Variants in KCNU1 observed in about 807,000 individuals in gnomAD.
The protein encoded by KCNU1 is potassium channel subfamily U member 1.
A neutral mutation model predicts 126.8 loss-of-function variants in KCNU1; 93 were observed. That is an observed-to-expected ratio of 0.73 (90% CI 0.62 to 0.87). KCNU1 has a LOEUF of 0.87. KCNU1 is among the 40% of genes least tolerant of loss of function. The pLI is 0.00. For missense variants in KCNU1, 1,330 were observed against 1,367.1 expected (o/e 0.97, Z 0.43); for synonymous variants, 523 against 494.2 (o/e 1.06, Z -0.77).
chr8:36,831,350 G>C (rs571469180), intron 10 of KCNU1, among the ~76,000 whole-genome samples: 2 of 151,978 alleles, frequency 1.3e-5, no homozygotes, highest in East Asian at 1.9e-4. Context: ...TTCCACAATG[G>C]TTGAACTAGT....
intron 10 of KCNU1, among the ~76,000 whole-genome samples, chr8:36,824,148 CT>C (rs1338470875): frequency 6.6e-6 from 1 of 152,032 alleles, no homozygotes; most frequent in Non-Finnish European, 1.5e-5. Flanking sequence ...CTGTTTAAGC[CT>C]TTTTTATTCC....
At chr8:36,867,392 A>C (rs997631082) in intron 19 of KCNU1, among the ~76,000 whole-genome samples, 2 of 152,216 alleles carry the variant, frequency 1.3e-5, no homozygotes, top group South Asian at 4.1e-4. Context: ...GAGAGAATGC[A>C]CAGTAGAGTG....
rs912438794 is a variant in KCNU1, at chr8:36,805,337, A to C, written c.468+52A>C. On this transcript the variant is annotated intron_variant, in intron 4 of 26. Coordinates refer to ENST00000399881, the MANE Select transcript of KCNU1 (RefSeq NM_001031836.3). Reference sequence around the variant, plus strand: ...AATATCCAAACACCACAGGCACAACATACAGAGAACTAACTGTGTCTCAGT... The same window carrying C: ...AATATCCAAACACCACAGGCACAACCTACAGAGAACTAACTGTGTCTCAGT... 5 of 1,081,574 alleles carry C rather than the reference A, an allele frequency of 4.6e-6. No homozygotes were observed. In the African/African-American group the frequency reaches 6.2e-5, roughly 13 times the overall value. 67.0% of individuals were successfully genotyped at this position (1,081,574 alleles called of 1,614,324 possible). A position where few individuals can be genotyped will look rare whatever the true frequency, so the allele number is the denominator to read the frequency against.
At chr8:36,832,401 C>T (rs1682168653) in intron 10 of KCNU1, among the ~76,000 whole-genome samples, 1 of 152,018 alleles carries the variant, frequency 6.6e-6, no homozygotes, top group African/African-American at 2.4e-5. Context: ...AGCATGAAAC[C>T]ACAGCTTCAA....
intron 10 of KCNU1, among the ~76,000 whole-genome samples, chr8:36,833,342 C>A (rs1281011691): frequency 1.3e-5 from 2 of 152,008 alleles, no homozygotes; most frequent in Non-Finnish European, 2.9e-5. Flanking sequence ...AAATGTTATG[C>A]CTGTTTCAGT....
At chr8:36,929,526 CTG>C (rs1362301265) in intron 24 of KCNU1, among the ~76,000 whole-genome samples, 2 of 151,404 alleles carry the variant, frequency 1.3e-5, no homozygotes, top group African/African-American at 4.8e-5. Context: ...CTGTAAAAAA[CTG>C]TAAAATATAG....
chr8:36,810,265 G>GTAGCTTCTCCCTA (rs1193193752), intron 7 of KCNU1, among the ~76,000 whole-genome samples: 5 of 144,342 alleles, frequency 3.5e-5, no homozygotes, highest in Non-Finnish European at 7.5e-5. Context: ...AAAAAAAAAA[G>GTAGCTTCTCCCTA]TAGCTTCTCC....
rs756465712 is a variant in KCNU1, at chr8:36,864,554, GT to G, written c.2009+40del. On this transcript the variant is annotated intron_variant, in intron 19 of 26. Transcript: ENST00000399881. ...CTGCAGAGAACCCTGGTCTCCTATA[GT>G]TTTTTTGAGAATCAGTGGGCCATAT... 6.3e-6 allele frequency: 8 copies of G among 1,260,532 alleles called. No homozygotes were observed. The Admixed American group carries it at 6.7e-5, about 11-fold the overall frequency. 78.1% of individuals were successfully genotyped at this position (1,260,532 alleles called of 1,614,324 possible). A position where few individuals can be genotyped will look rare whatever the true frequency, so the allele number is the denominator to read the frequency against.
intron 24 of KCNU1, 83 bp downstream of exon 24, chr8:36,922,712 TA>T: frequency 7.4e-7 from 1 of 1,355,112 alleles, no homozygotes. Flanking sequence ...GAGTAGATGA[TA>T]ACACCTCACA....
chr8:36,910,399 A>G (rs1807820513), intron 21 of KCNU1, among the ~76,000 whole-genome samples: 1 of 151,284 alleles, frequency 6.6e-6, no homozygotes, highest in Admixed American at 6.6e-5. Flanking sequence ...TGATCCAGCT[A>G]GTGTTAGGAA....
At chr8:36,832,639 A>G (rs1415599814) in intron 10 of KCNU1, among the ~76,000 whole-genome samples, 1 of 151,900 alleles carries the variant, frequency 6.6e-6, no homozygotes, top group African/African-American at 2.4e-5. Flanking sequence ...AACTTTACAA[A>G]ACTTTTGCCT....
chr8:36,889,157 G>A (rs771619868), intron 19 of KCNU1: 3 of 534,368 alleles, frequency 5.6e-6, no homozygotes, highest in South Asian at 4.2e-5. Context: ...TGGATTACAG[G>A]TATGAGCCAT....
chr8:36,917,548 G>A (rs925396595), intron 22 of KCNU1, among the ~76,000 whole-genome samples: 1 of 151,220 alleles, frequency 6.6e-6, no homozygotes, highest in African/African-American at 2.4e-5. Context: ...TAGAGAACAG[G>A]TCTCTCTATG....
At chr8:36,839,785 G>A (rs1362876539) in intron 14 of KCNU1, among the ~76,000 whole-genome samples, 1 of 152,140 alleles carries the variant, frequency 6.6e-6, no homozygotes, top group African/African-American at 2.4e-5. Flanking sequence ...TGATTCTCAT[G>A]GCAGTAGGTG....
intron 10 of KCNU1, among the ~76,000 whole-genome samples, chr8:36,818,735 C>T (rs1302701737): frequency 6.6e-6 from 1 of 152,180 alleles, no homozygotes; most frequent in Non-Finnish European, 1.5e-5. Flanking sequence ...CATCTTCTGG[C>T]ACTGTGTAGT....
intron 2 of KCNU1, among the ~76,000 whole-genome samples, 160 bp from the exon 3 acceptor site, chr8:36,803,867 G>A (rs1234631393): frequency 2.6e-5 from 4 of 151,986 alleles, no homozygotes; most frequent in Admixed American, 6.6e-5. Context: ...ACCTTGAATC[G>A]ATAAACAGAT....
intron 23 of KCNU1, among the ~76,000 whole-genome samples, chr8:36,919,791 G>T (rs911165058): frequency 2.0e-5 from 3 of 152,218 alleles, no homozygotes; most frequent in Non-Finnish European, 2.9e-5. Context: ...CATTTTATGA[G>T]CAAGATTACC....
chr8:36,898,147 C>T (rs1366043351), intron 19 of KCNU1, among the ~76,000 whole-genome samples: 1 of 152,062 alleles, frequency 6.6e-6, no homozygotes, highest in African/African-American at 2.4e-5. Flanking sequence ...CAACATTCAG[C>T]CACAGGGATT....
In KCNU1 at chr8:36,784,625, A is replaced by C; in HGVS notation, c.195+20A>C. 2 of 1,580,038 alleles carry C rather than the reference A, an allele frequency of 1.3e-6. No individual in the cohort carries two copies. Among genetic ancestry groups the C allele is most frequent in the Non-Finnish European group, 1.7e-6 (2 of 1,154,848 alleles). ...ATCTTGGTCAGTTTCCTTGTTAGGG[A>C]TCCCTCTGTGTGAAGTCAGAGATGA... On this transcript the variant is annotated intron_variant, in intron 1 of 26. Transcript: ENST00000399881.
Sources: gnomAD v4.1 joint callset for allele counts (sites outside exome capture counted in the v4.1 genomes callset) on GRCh38, gnomAD v4.1.1 for gene constraint, MANE v1.5 for transcripts, NCBI Gene and HGNC (gene_info 2026-07-23, HGNC 2026-07-21) for gene names.